Variants in DNMT3A observed in about 807,000 individuals in gnomAD.
DNMT3A encodes DNA (cytosine-5)-methyltransferase 3A.
Under a neutral mutation model 117.6 loss-of-function variants are expected in DNMT3A, and 267 were observed. The ratio of observed to expected loss-of-function variants is 2.27; its 90% confidence interval spans 2.05 to 2.51. The LOEUF (loss-of-function observed/expected upper bound fraction) is 2.51, where lower values mean the gene tolerates loss of function less well. DNMT3A is among the 30% of genes most tolerant of loss of function. The probability of loss-of-function intolerance (pLI) is 0.00; values close to 1 mark genes in which losing one functional copy is unlikely to be tolerated. For missense variants in DNMT3A, 1,029 were observed against 1,260.2 expected (o/e 0.82, Z 2.78); for synonymous variants, 432 against 474.8 (o/e 0.91, Z 1.17).
chr2:25,283,536 G>T (rs979073649), intron 3 of DNMT3A, among the ~76,000 whole-genome samples: 23 of 152,032 alleles, frequency 1.5e-4, no homozygotes, highest in African/African-American at 5.3e-4. Context: ...AGAGTCGAAG[G>T]AGGACCCCCA....
chr2:25,342,312 C>T (rs1034611039), upstream of DNMT3A: 15 of 150,850 alleles, frequency 9.9e-5, no homozygotes, highest in African/African-American at 3.6e-4. This position sits in a 1 kb window ranked among gnomAD's most constrained non-coding sequence, Gnocchi z 5.9. Flanking sequence ...CCGCCCAGAC[C>T]GGGGGCCGGG....
chr2:25,293,389 C>T lies in DNMT3A; in HGVS notation c.177+6750G>A, dbSNP rs926741024. Among the ~76,000 whole-genome samples, 8 of 152,186 alleles carry T rather than the reference C, an allele frequency of 5.3e-5. No homozygotes were observed. Among genetic ancestry groups the T allele is most frequent in the East Asian group, 1.9e-4 (1 of 5,196 alleles). ...AACACGACTCCCATCACGTCATATC[C>T]GCCTCCTCACAACCTTCCAGATAAC... On this transcript the variant is annotated intron_variant, in intron 3 of 22. Coordinates refer to ENST00000321117, the MANE Select transcript of DNMT3A (RefSeq NM_022552.5). The surrounding 1 kb of genome is among the most constrained non-coding windows in gnomAD (Gnocchi z 4.7).
At chr2:25,338,671 A>T (rs1215222721) in intron 1 of DNMT3A, among the ~76,000 whole-genome samples, 3 of 152,132 alleles carry the variant, frequency 2.0e-5, no homozygotes. Flanking sequence ...TTTCCTGGAG[A>T]TCACAAACTG....
chr2:25,236,892 C>T lies in DNMT3A; in HGVS notation c.2478+44G>A, dbSNP rs1440749410. ...ACCGCTCCACCTCATCCTGCCCTTC[C>T]TTCTCCCTGCCCCCCAGCAGAGGTT... On this transcript the variant is annotated intron_variant, in intron 21 of 22. Coordinates refer to ENST00000321117, the MANE Select transcript of DNMT3A (RefSeq NM_022552.5). This position sits in a 1 kb window ranked among gnomAD's most constrained non-coding sequence, Gnocchi z 4.5. The T allele has an allele frequency of 1.3e-6, 2 of 1,589,494 alleles. No homozygotes were observed. The highest frequency in any genetic ancestry group is 2.3e-5 in the South Asian group (2 of 87,244).
intron 1 of DNMT3A, among the ~76,000 whole-genome samples, chr2:25,335,164 G>C (rs1247286483): frequency 6.6e-6 from 1 of 151,900 alleles, no homozygotes; most frequent in East Asian, 1.9e-4. Flanking sequence ...CAACACTACT[G>C]CATGGGGATC....
At position 25,247,392 on chromosome 2, in the gene DNMT3A, T is replaced by G; in HGVS notation, c.1014+199A>C. ...GAATAGGTTCCTGGAAGGCTAAAAC[T>G]GGGCCAGCATCCTAGCTCTCTGAGC... On this transcript the variant is annotated intron_variant, in intron 8 of 22. Coordinates refer to ENST00000321117, the MANE Select transcript of DNMT3A (RefSeq NM_022552.5). The surrounding 1 kb of genome is among the most constrained non-coding windows in gnomAD (Gnocchi z 5.6). The G allele has an allele frequency of 1.1e-6, 1 of 906,048 alleles. No homozygotes were observed. The highest frequency in any genetic ancestry group is 1.6e-6 in the Non-Finnish European group (1 of 610,634). The allele number at this position is 906,048 out of a possible 1,614,324, so 56.1% of individuals were successfully genotyped here. A position where few individuals can be genotyped will look rare whatever the true frequency, so the allele number is the denominator to read the frequency against.
Position 25,252,101 on chromosome 2 carries a change from C to G in DNMT3A, c.640-3849G>C, listed in dbSNP as rs371115808. The stretch of plus-strand genomic sequence containing the variant: ...CTGCGGGCCGGGGAGGCATACTTCA[C>G]TCTTTTCAAACCCGGAGGGCTGCGG... On this transcript the variant is annotated intron_variant, in intron 6 of 22. Coordinates refer to ENST00000321117, the MANE Select transcript of DNMT3A (RefSeq NM_022552.5). This position sits in a 1 kb window ranked among gnomAD's most constrained non-coding sequence, Gnocchi z 5.5. 4.0e-6 allele frequency: 6 copies of G among 1,501,124 alleles called. No individual in the cohort carries two copies. Among genetic ancestry groups the G allele is most frequent in the South Asian group, 2.5e-5 (2 of 80,996 alleles). The allele number at this position is 1,501,124 out of a possible 1,614,324, so 93.0% of individuals were successfully genotyped here. A position where few individuals can be genotyped will look rare whatever the true frequency, so the allele number is the denominator to read the frequency against.
At position 25,322,237 on chromosome 2, in the gene DNMT3A, C is replaced by T. The variant is rs149814852; in HGVS notation, c.-177-8076G>A. 1.2e-4 allele frequency among the ~76,000 whole-genome samples: 18 copies of T among 152,212 alleles called. No homozygotes were observed. In the East Asian group the frequency reaches 3.5e-3, roughly 29 times the overall value. On this transcript the variant is annotated intron_variant, in intron 1 of 22. Transcript: ENST00000321117. ...GAGTAAATAAAAATGAATTTTTAAA[C>T]AGAGAGAGTGGGGATGGGAGAAAGG...
intron 6 of DNMT3A, among the ~76,000 whole-genome samples, chr2:25,272,559 C>A (rs570151703): frequency 1.6e-4 from 24 of 152,266 alleles, no homozygotes; most frequent in South Asian, 8.3e-4. Context: ...AAAGCAAAGC[C>A]CCTGTTTCTG....
rs571340067 is a variant in DNMT3A at position 25,247,132 on chromosome 2, C to T, written c.1041G>A (p.Leu347=). Residue 347 remains leucine, a synonymous_variant, in exon 9 of 23, where the codon CTG becomes CTA. Coordinates refer to ENST00000321117, the MANE Select transcript of DNMT3A (RefSeq NM_022552.5). This position sits in a 1 kb window ranked among gnomAD's most constrained non-coding sequence, Gnocchi z 5.6. Reference sequence around the variant, plus strand: ...GGTGGAACGCACTGCAAAACGAGCTCAGCGGCATCAGCTTCTCAACACACA... The same window carrying T: ...GGTGGAACGCACTGCAAAACGAGCTTAGCGGCATCAGCTTCTCAACACACA... ...SVVCVEKLMP[L]SSFCSAFHQA... is the part of the protein sequence containing the mutation. The T allele has an allele frequency of 9.3e-6, 15 of 1,614,104 alleles. No homozygotes were observed. In the African/African-American group the frequency reaches 1.6e-4, roughly 17 times the overall value.
At chr2:25,341,533 C>CGGGCGG (rs1471230233) in intron 1 of DNMT3A, among the ~76,000 whole-genome samples, 2 of 138,316 alleles carry the variant, frequency 1.4e-5, no homozygotes, top group Non-Finnish European at 3.2e-5. Context: ...AGCCCGGAGC[C>CGGGCGG]GGGCGGGGGC....
At position 25,240,363 on chromosome 2, in the gene DNMT3A, A is replaced by C. The variant is rs762636955; in HGVS notation, c.2261T>G (p.Leu754Arg). 1.2e-6 allele frequency: 2 copies of C among 1,614,030 alleles called. No homozygotes were observed. Among genetic ancestry groups the C allele is most frequent in the Non-Finnish European group, 1.7e-6 (2 of 1,179,992 alleles). ...KEGDDRPFFWLFENVVAMGVS... is the reference protein window; with the variant it reads ...KEGDDRPFFWRFENVVAMGVS... Reference sequence around the variant, plus strand: ...GCCCATGGCCACCACATTCTCAAAGAGCCAGAAGAAGGGGCGATCATCTCC... The same window carrying C: ...GCCCATGGCCACCACATTCTCAAAGCGCCAGAAGAAGGGGCGATCATCTCC... Residue 754 changes from leucine to arginine, a missense_variant, in exon 19 of 23, where the codon CTC becomes CGC. By Grantham distance (102) the Leu-to-Arg change is moderately radical (BLOSUM62 -2). Coordinates refer to ENST00000321117, the MANE Select transcript of DNMT3A (RefSeq NM_022552.5).
At position 25,252,050 on chromosome 2, in the gene DNMT3A, CG is replaced by C; in HGVS notation, c.640-3799del. On this transcript the variant is annotated intron_variant, in intron 6 of 22. Transcript: ENST00000321117. The surrounding 1 kb of genome is among the most constrained non-coding windows in gnomAD (Gnocchi z 5.5). ...GCACTAAGTCAGCATCTCCAGAACT[CG>C]GGCCAGGCCGGGACGCCGCGGCTGC... The C allele has an allele frequency of 9.1e-7, 1 of 1,093,426 alleles. No individual in the cohort carries two copies. Among genetic ancestry groups the C allele is most frequent in the Non-Finnish European group, 1.3e-6 (1 of 784,572 alleles). The allele number at this position is 1,093,426 out of a possible 1,614,324, so 67.7% of individuals were successfully genotyped here. A position where few individuals can be genotyped will look rare whatever the true frequency, so the allele number is the denominator to read the frequency against.
rs762744041 is a variant in DNMT3A, at chr2:25,311,486, G to A, written c.72+2427C>T. Among the ~76,000 whole-genome samples the A allele has an allele frequency of 6.6e-6, 1 of 152,180 alleles. No individual in the cohort carries two copies. ...TGCGTGGTGTAGGTGTGGGCGGCTG[G>A]GGAGGAGGCCTGGCTATGGCCCAGC... is the stretch of plus-strand genomic sequence containing the variant. On this transcript the variant is annotated intron_variant, in intron 2 of 22. Transcript: ENST00000321117. The surrounding 1 kb of genome is among the most constrained non-coding windows in gnomAD (Gnocchi z 5.2).
chr2:25,256,487 G>T (rs1300169266), intron 6 of DNMT3A, among the ~76,000 whole-genome samples: 1 of 152,156 alleles, frequency 6.6e-6, no homozygotes, highest in Non-Finnish European at 1.5e-5. Context: ...GTTACTGGCT[G>T]CATGTGTCTA....
intron 1 of DNMT3A, among the ~76,000 whole-genome samples, chr2:25,323,025 C>T (rs1053676969): frequency 6.6e-6 from 1 of 151,996 alleles, no homozygotes; most frequent in Non-Finnish European, 1.5e-5. Flanking sequence ...TAGATGCCTT[C>T]CCCTCCTTCC....
At position 25,237,577 on chromosome 2, in the gene DNMT3A, G is replaced by C. The variant is rs945807789; in HGVS notation, c.2409-572C>G. Reference sequence around the variant, plus strand: ...GAGGTCAGGAGTTTGAGTCCATCCTGATCAACATGGTGAAACCCGGTCTCT... The same window carrying C: ...GAGGTCAGGAGTTTGAGTCCATCCTCATCAACATGGTGAAACCCGGTCTCT... On this transcript the variant is annotated intron_variant, in intron 20 of 22. Coordinates refer to ENST00000321117, the MANE Select transcript of DNMT3A (RefSeq NM_022552.5). This position sits in a 1 kb window ranked among gnomAD's most constrained non-coding sequence, Gnocchi z 5.4. 3.3e-5 allele frequency among the ~76,000 whole-genome samples: 5 copies of C among 152,180 alleles called. No homozygotes were observed. Among genetic ancestry groups the C allele is most frequent in the African/African-American group, 9.7e-5 (4 of 41,444 alleles).
At chr2:25,308,680 G>T (rs1239255981) in intron 2 of DNMT3A, among the ~76,000 whole-genome samples, 1 of 152,080 alleles carries the variant, frequency 6.6e-6, no homozygotes, top group Non-Finnish European at 1.5e-5. Flanking sequence ...TCTTTGAAAT[G>T]ACCTTACCGC....
In DNMT3A at chr2:25,337,005, C is replaced by T. The variant is rs2035242132; in HGVS notation, c.-178+4821G>A. Among the ~76,000 whole-genome samples the T allele has an allele frequency of 6.6e-6, 1 of 152,220 alleles. No homozygotes were observed. Among genetic ancestry groups the T allele is most frequent in the Non-Finnish European group, 1.5e-5 (1 of 68,046 alleles). The stretch of plus-strand genomic sequence containing the variant: ...TCGTTAGCTGGGCGCATCCTAAACA[C>T]ACCGTGTCCCCTCAAAGCCAGCACA... On this transcript the variant is annotated intron_variant, in intron 1 of 22. Coordinates refer to ENST00000321117, the MANE Select transcript of DNMT3A (RefSeq NM_022552.5). The surrounding 1 kb of genome is among the most constrained non-coding windows in gnomAD (Gnocchi z 5.0).
Sources: gnomAD v4.1 joint callset for allele counts (sites outside exome capture counted in the v4.1 genomes callset) on GRCh38, gnomAD v4.1.1 for gene constraint, Gnocchi (gnomAD v3.1) non-coding constraint, MANE v1.5 for transcripts, NCBI Gene and HGNC (gene_info 2026-07-23, HGNC 2026-07-21) for gene names.